ABCA12: variants seen among roughly 807,000 people sequenced by gnomAD.
ABCA12 encodes the protein ATP binding cassette subfamily A member 12.
A neutral mutation model predicts 293.5 loss-of-function variants in ABCA12; 156 were observed. The observed-to-expected ratio is 0.53, with a 90% CI of 0.47 to 0.61. ABCA12 has a LOEUF of 0.61. ABCA12 is among the 20% of genes least tolerant of loss of function. The pLI is 0.00. For missense variants in ABCA12, 2,797 were observed against 3,090.2 expected, an observed-to-expected ratio of 0.91 and a Z score of 2.25; for synonymous variants, 1,063 against 1,108.0, an observed-to-expected ratio of 0.96 and a Z score of 0.81.
intron 2 of ABCA12, among the ~76,000 whole-genome samples, chr2:215,073,186 C>A (rs1450415939): frequency 6.6e-6 from 1 of 152,112 alleles, no homozygotes; most frequent in Admixed American, 6.6e-5. Flanking sequence ...GTTAGATAAG[C>A]CTTACAGTAA....
intron 11 of ABCA12, 82 bp downstream of exon 11, chr2:215,025,587 GAGAA>G: frequency 1.2e-6 from 1 of 821,824 alleles, no homozygotes; most frequent in Non-Finnish European, 1.9e-6. Context: ...CAAATATTAT[GAGAA>G]GTGTTAAGGT....
intron 41 of ABCA12, 41 bp from the exon 42 acceptor site, chr2:214,956,819 A>G (rs1559113676): frequency 5.0e-6 from 7 of 1,394,872 alleles, no homozygotes; most frequent in Non-Finnish European, 4.0e-6. Context: ...CGTGACAAGC[A>G]TTTTTCAAAA....
chr2:214,936,516 A>G (rs1043267122), intron 51 of ABCA12, among the ~76,000 whole-genome samples: 3 of 152,252 alleles, frequency 2.0e-5, no homozygotes, highest in African/African-American at 7.2e-5. Flanking sequence ...ATCATTTGAA[A>G]TCATCTTCTA....
Position 215,031,862 on chromosome 2 carries a change from C to T in ABCA12, c.1020G>A (p.Glu340=). ...TTGGAGATAAGGTCTGTCCATCATC[C>T]TCATTCCACACATGCGTTATATTAT... ...DSDNITHVWN[E]DDGQTLSPSS... Residue 340 remains glutamate (E), a synonymous_variant, in exon 9 of 53, where the codon GAG becomes GAA. Transcript: ENST00000272895. The T allele has an allele frequency of 7.4e-6, 12 of 1,613,988 alleles. No homozygotes were observed. Among genetic ancestry groups the T allele is most frequent in the Non-Finnish European group, 1.0e-5 (12 of 1,179,946 alleles).
chr2:215,089,082 C>G (rs955780851), intron 2 of ABCA12, among the ~76,000 whole-genome samples: 2 of 151,820 alleles, frequency 1.3e-5, no homozygotes, highest in East Asian at 3.9e-4. Context: ...AAATTGTGGT[C>G]AGAACATTCT....
At chr2:215,088,894 A>C (rs1457296923) in intron 2 of ABCA12, among the ~76,000 whole-genome samples, 1 of 152,122 alleles carries the variant, frequency 6.6e-6, no homozygotes, top group Non-Finnish European at 1.5e-5. Context: ...TTTTTTTTGA[A>C]ACTTTATTGA....
chr2:215,134,289 T>G (rs1703129811), intron 1 of ABCA12, among the ~76,000 whole-genome samples: 1 of 95,676 alleles, frequency 1.0e-5, no homozygotes, highest in African/African-American at 6.7e-5. Context: ...TGTATATATG[T>G]ATATGTACAT....
chr2:215,098,899 G>A (rs182969952), intron 2 of ABCA12, among the ~76,000 whole-genome samples: 158 of 152,358 alleles, frequency 1.0e-3, no homozygotes, highest in South Asian at 8.3e-4. Context: ...TAAGGACACC[G>A]CGATGATGGG....
intron 23 of ABCA12, among the ~76,000 whole-genome samples, chr2:214,994,767 T>C (rs1282933353): frequency 6.6e-6 from 1 of 152,200 alleles, no homozygotes. Context: ...AATTGTTTAA[T>C]GTGAAGTACT....
chr2:214,971,505 C>A (rs951117601), intron 36 of ABCA12, among the ~76,000 whole-genome samples: 2 of 152,120 alleles, frequency 1.3e-5, no homozygotes, highest in Non-Finnish European at 1.5e-5. Flanking sequence ...TCATCACACT[C>A]CCTTCAAATT....
chr2:215,022,065 C>A (rs948222909), intron 11 of ABCA12: 1 of 151,886 alleles, frequency 6.6e-6, no homozygotes, highest in Non-Finnish European at 1.5e-5. Flanking sequence ...GGAGTGAAGC[C>A]TCTATATTAC....
intron 1 of ABCA12, among the ~76,000 whole-genome samples, chr2:215,111,998 T>A (rs955943585): frequency 6.6e-6 from 1 of 152,308 alleles, no homozygotes; most frequent in Admixed American, 6.5e-5. Flanking sequence ...GGTTACTTCA[T>A]TCCTTAAAAA....
At chr2:215,093,546 C>G (rs1304617303) in intron 2 of ABCA12, among the ~76,000 whole-genome samples, 1 of 152,236 alleles carries the variant, frequency 6.6e-6, no homozygotes, top group Non-Finnish European at 1.5e-5. Context: ...GAACCGCGCC[C>G]TGTAGTCTTT....
At chr2:214,942,291 C>G (rs2105916741) in intron 50 of ABCA12, among the ~76,000 whole-genome samples, 1 of 152,174 alleles carries the variant, frequency 6.6e-6, no homozygotes, top group East Asian at 1.9e-4. Flanking sequence ...TCCTTTTTTC[C>G]TTATCTTGGT....
chr2:215,027,057 G>A (rs986495759), intron 9 of ABCA12, 119 bp from the exon 10 acceptor site: 11 of 764,278 alleles, frequency 1.4e-5, no homozygotes, highest in Non-Finnish European at 2.3e-5. Flanking sequence ...GAAATACTAT[G>A]CAGTTGGCCG....
At chr2:215,053,618 T>C (rs1701361604) in intron 4 of ABCA12, among the ~76,000 whole-genome samples, 1 of 152,058 alleles carries the variant, frequency 6.6e-6, no homozygotes, top group Admixed American at 6.6e-5. Context: ...ATGTTCCTGC[T>C]ACATTAACAT....
At chr2:215,084,010 C>T (rs1701991990) in intron 2 of ABCA12, among the ~76,000 whole-genome samples, 1 of 152,042 alleles carries the variant, frequency 6.6e-6, no homozygotes, top group South Asian at 2.1e-4. Context: ...CAGGGTCTTA[C>T]TGTGTTGCCC....
At chr2:214,985,719 C>T (rs1389232899) in intron 28 of ABCA12, among the ~76,000 whole-genome samples, 1 of 152,116 alleles carries the variant, frequency 6.6e-6, no homozygotes, top group Non-Finnish European at 1.5e-5. Flanking sequence ...AGTGTTTTTG[C>T]AGTCACTGAG....
At position 214,975,768 on chromosome 2, in the gene ABCA12, A is replaced by G; in HGVS notation, c.5381+17T>C. ...GCATTTTGGAAACATTCTTTTAGTT[A>G]ACAGAAAGAAACTTACGCATAGAAG... On this transcript the variant is annotated intron_variant, in intron 34 of 52. Coordinates refer to ENST00000272895, the MANE Select transcript of ABCA12 (RefSeq NM_173076.3). 1 of 1,614,032 alleles carries G rather than the reference A, an allele frequency of 6.2e-7. No homozygotes were observed. Among genetic ancestry groups the G allele is most frequent in the Non-Finnish European group, 8.5e-7 (1 of 1,179,904 alleles).
Sources: gnomAD v4.1 joint callset for allele counts (sites outside exome capture counted in the v4.1 genomes callset) on GRCh38, gnomAD v4.1.1 for gene constraint, MANE v1.5 for transcripts, NCBI Gene and HGNC (gene_info 2026-07-23, HGNC 2026-07-21) for gene names.